Variants in SGCZ observed in about 807,000 individuals in gnomAD.
SGCZ encodes sarcoglycan zeta, also known as zeta-sarcoglycan.
In SGCZ, 40 loss-of-function variants were observed where a neutral mutation model predicts 41.3. The observed-to-expected ratio is 0.97, with a 90% CI of 0.75 to 1.26. The LOEUF (loss-of-function observed/expected upper bound fraction) is 1.26. Ranked by LOEUF, SGCZ falls within the 50% of genes most tolerant of loss-of-function variation. The pLI is 0.00. For synonymous variants in SGCZ, 206 were observed against 137.5 expected (o/e 1.50, Z -3.49); for missense variants, 552 against 369.8 (o/e 1.49, Z -4.04).
intron 1 of SGCZ, among the ~76,000 whole-genome samples, chr8:14,732,605 A>T (rs1404350008): frequency 1.3e-5 from 2 of 152,192 alleles, no homozygotes; most frequent in Non-Finnish European, 2.9e-5. Flanking sequence ...GCATGGAAAC[A>T]TATGATGAGA....
At chr8:14,402,659 G>C (rs558430480) in intron 2 of SGCZ, among the ~76,000 whole-genome samples, 2 of 142,518 alleles carry the variant, frequency 1.4e-5, no homozygotes, top group Non-Finnish European at 3.0e-5. Flanking sequence ...TCTCTGTTTT[G>C]GTACCAGTAC....
At position 15,208,322 on chromosome 8, in the gene SGCZ, G is replaced by A. The variant is rs572611729; in HGVS notation, c.39+29263C>T. Among the ~76,000 whole-genome samples, 267 of 152,220 alleles carry A rather than the reference G, an allele frequency of 1.8e-3. 2 individuals are homozygous for A. The South Asian group carries it at 0.02, about 11-fold the overall frequency. On this transcript the variant is annotated intron_variant, in intron 1 of 7. Coordinates refer to ENST00000382080, the MANE Select transcript of SGCZ (RefSeq NM_139167.4). The stretch of plus-strand genomic sequence containing the variant: ...CAAAAAAAAATTATCATCAATGACG[G>A]GTATGATTTAAGACATAACATCTGA...
chr8:14,238,152 T>C (rs190244131), intron 3 of SGCZ, among the ~76,000 whole-genome samples: 24 of 152,352 alleles, frequency 1.6e-4, no homozygotes, highest in African/African-American at 5.8e-4. Flanking sequence ...CCAATGTCCA[T>C]TTAGTTTGTT....
chr8:14,135,927 A>G lies in SGCZ; in HGVS notation c.548-27692T>C, dbSNP rs181392831. ...TATAAAAGGAGTTAGCACCAATTTT[A>G]CATATCTTACAAAAAATAGAAGAGG... On this transcript the variant is annotated intron_variant, in intron 5 of 7. Transcript: ENST00000382080. Among the ~76,000 whole-genome samples the G allele has an allele frequency of 6.4e-3, 977 of 152,340 alleles. 6 individuals carry two copies. The highest frequency in any genetic ancestry group is 0.022 in the African/African-American group (929 of 41,570).
chr8:14,647,344 C>T (rs1020524408), intron 1 of SGCZ, among the ~76,000 whole-genome samples: 1 of 151,864 alleles, frequency 6.6e-6, no homozygotes, highest in Non-Finnish European at 1.5e-5. Context: ...AGAAAATAGG[C>T]TTTATTGTAC....
chr8:15,097,866 G>GTA lies in SGCZ; in HGVS notation c.39+139717_39+139718dup, dbSNP rs10674533. On this transcript the variant is annotated intron_variant, in intron 1 of 7. Transcript: ENST00000382080. ...TGTATATATATATATACGTGTGTGT[G>GTA]TATATATATATATATACGTGTGTAT... is the stretch of plus-strand genomic sequence containing the variant. Among the ~76,000 whole-genome samples the GTA allele has an allele frequency of 0.018, 1,217 of 68,470 alleles. 54 individuals carry two copies. In the East Asian group the frequency reaches 0.18, roughly 10 times the overall value. 44.9% of individuals were successfully genotyped at this position (68,470 alleles called of 152,430 possible).
chr8:14,907,272 G>A (rs771833458), intron 1 of SGCZ, among the ~76,000 whole-genome samples: 3 of 152,016 alleles, frequency 2.0e-5, no homozygotes, highest in Admixed American at 1.3e-4. Flanking sequence ...ATGGCTCACC[G>A]CAGCCTTGTA....
At chr8:14,678,943 C>CT (rs1389673809) in intron 1 of SGCZ, among the ~76,000 whole-genome samples, 1 of 152,144 alleles carries the variant, frequency 6.6e-6, no homozygotes, top group African/African-American at 2.4e-5. Flanking sequence ...AGCCTACATA[C>CT]TGTAAGATTC....
intron 1 of SGCZ, among the ~76,000 whole-genome samples, chr8:14,740,071 G>A (rs1333305597): frequency 6.6e-6 from 1 of 151,886 alleles, no homozygotes; most frequent in Non-Finnish European, 1.5e-5. Context: ...AGCTAAAAAC[G>A]TGAAGCATAT....
intron 1 of SGCZ, among the ~76,000 whole-genome samples, chr8:15,217,234 G>A (rs1391731259): frequency 6.6e-6 from 1 of 151,570 alleles, no homozygotes; most frequent in African/African-American, 2.4e-5. Flanking sequence ...TGGCTAACAC[G>A]GTGAAACCCC....
chr8:14,220,699 A>G (rs959349952), intron 4 of SGCZ, among the ~76,000 whole-genome samples: 2 of 152,098 alleles, frequency 1.3e-5, no homozygotes, highest in Non-Finnish European at 2.9e-5. Flanking sequence ...AGGTAGGAGA[A>G]TGGCGTGAAC....
At chr8:15,088,826 C>T (rs1806046266) in intron 1 of SGCZ, among the ~76,000 whole-genome samples, 1 of 152,014 alleles carries the variant, frequency 6.6e-6, no homozygotes, top group Non-Finnish European at 1.5e-5. Flanking sequence ...ATAAATAGGC[C>T]CAACTCACAT....
chr8:14,517,875 C>CT (rs1171829880), intron 2 of SGCZ, among the ~76,000 whole-genome samples: 1 of 151,472 alleles, frequency 6.6e-6, no homozygotes, highest in African/African-American at 2.4e-5. Flanking sequence ...TTTTAAATCT[C>CT]TTTTTGATGA....
At chr8:14,691,565 T>G (rs1173868803) in intron 1 of SGCZ, among the ~76,000 whole-genome samples, 2 of 152,086 alleles carry the variant, frequency 1.3e-5, no homozygotes, top group East Asian at 3.8e-4. Context: ...CACATAGGCC[T>G]CTTGGAAAGG....
chr8:14,275,683 G>C (rs1487108616), intron 3 of SGCZ, among the ~76,000 whole-genome samples: 1 of 152,120 alleles, frequency 6.6e-6, no homozygotes, highest in African/African-American at 2.4e-5. Flanking sequence ...TTCTTTCCTG[G>C]AATGCTTCTT....
chr8:14,811,842 T>C (rs1801747485), intron 1 of SGCZ, among the ~76,000 whole-genome samples: 2 of 152,080 alleles, frequency 1.3e-5, no homozygotes, highest in African/African-American at 4.8e-5. Flanking sequence ...GGAAACTGAA[T>C]GTTTTTAGTG....
intron 4 of SGCZ, among the ~76,000 whole-genome samples, chr8:14,232,863 A>C (rs1036530430): frequency 4.6e-5 from 7 of 152,098 alleles, no homozygotes; most frequent in Non-Finnish European, 8.8e-5. Flanking sequence ...TTAAAGCATA[A>C]GACTGTGGTT....
At position 14,508,478 on chromosome 8, in the gene SGCZ, C is replaced by G. The variant is rs139310745; in HGVS notation, c.234+46254G>C. Among the ~76,000 whole-genome samples, 1,033 of 152,150 alleles carry G rather than the reference C, an allele frequency of 6.8e-3. 8 individuals carry two copies. Among genetic ancestry groups the G allele is most frequent in the Non-Finnish European group, 9.8e-3 (665 of 67,998 alleles). ...TGACTGGGACCCCAGAGACAGAACC[C>G]TCGGAGGCTTTGCATGTTAATCTTG... On this transcript the variant is annotated intron_variant, in intron 2 of 7. Transcript: ENST00000382080.
intron 1 of SGCZ, among the ~76,000 whole-genome samples, chr8:14,565,531 T>C (rs1001612859): frequency 6.6e-6 from 1 of 151,982 alleles, no homozygotes; most frequent in African/African-American, 2.4e-5. Flanking sequence ...TACACTAAAA[T>C]TGCAAGCATG....
Sources: allele counts gnomAD v4.1 joint callset (sites outside exome capture counted in the v4.1 genomes callset), GRCh38; gene constraint gnomAD v4.1.1; transcripts MANE v1.5; gene names NCBI Gene and HGNC (gene_info 2026-07-23, HGNC 2026-07-21).